The following SH2D1B variants were observed in gnomAD, a reference collection of about 807,000 sequenced individuals.
SH2D1B encodes SH2 domain containing 1B.
A neutral mutation model predicts 16.3 loss-of-function variants in SH2D1B; 11 were observed. The ratio of observed to expected loss-of-function variants is 0.67; its 90% CI spans 0.42 to 1.11. The LOEUF (loss-of-function observed/expected upper bound fraction) is 1.11, where lower values mean the gene tolerates loss of function less well. Ranked by LOEUF, SH2D1B falls within the 50% of genes most tolerant of loss-of-function variation. SH2D1B has a pLI of 0.00. For synonymous variants in SH2D1B, 55 were observed against 56.1 expected (o/e 0.98, Z 0.09); for missense variants, 123 against 153.1 (o/e 0.80, Z 1.04).
chr1:162,406,522 T>C (rs1260980405), intron 1 of SH2D1B, among the ~76,000 whole-genome samples: 1 of 152,162 alleles, frequency 6.6e-6, no homozygotes, highest in East Asian at 1.9e-4. Context: ...GAGAGATGTA[T>C]GCCAAAATAT....
chr1:162,409,220 T>C (rs1261863079), intron 1 of SH2D1B, among the ~76,000 whole-genome samples: 1 of 152,106 alleles, frequency 6.6e-6, no homozygotes, highest in African/African-American at 2.4e-5. Flanking sequence ...TTCCCACTGC[T>C]TGCCCCAGCA....
At chr1:162,402,681 C>T (rs374926594) in intron 2 of SH2D1B, 58 bp downstream of exon 2, 3 of 1,429,590 alleles carry the variant, frequency 2.1e-6, no homozygotes. Context: ...AGACATGTTC[C>T]CAGGTTCTTC....
chr1:162,396,970 A>T lies in SH2D1B; in HGVS notation c.*310T>A. 2.9e-6 allele frequency: 1 copy of T among 343,552 alleles called. No homozygotes were observed. The highest frequency in any genetic ancestry group is 5.6e-6 in the Non-Finnish European group (1 of 180,180). The allele number at this position is 343,552 out of a possible 1,614,324, so 21.3% of individuals were successfully genotyped here. ...CTGCCCCTCTGACTGCATGGTCCAA[A>T]GGAGGGTGTCAACCATGATGTAGGG... is the stretch of plus-strand genomic sequence containing the variant. On this transcript the variant is annotated 3_prime_UTR_variant, in exon 4 of 4. Coordinates refer to ENST00000367929, the MANE Select transcript of SH2D1B (RefSeq NM_053282.5).
At chr1:162,402,536 C>A (rs1225193264) in intron 2 of SH2D1B, 2 of 469,922 alleles carry the variant, frequency 4.3e-6, no homozygotes, top group Middle Eastern at 2.9e-4. Context: ...AAAACAACAA[C>A]AAAAAAAGTA....
intron 1 of SH2D1B, among the ~76,000 whole-genome samples, chr1:162,405,701 A>G (rs936131561): frequency 1.3e-5 from 2 of 152,236 alleles, no homozygotes; most frequent in Non-Finnish European, 2.9e-5. Context: ...TTTATGAGAA[A>G]TACACTGGAC....
At position 162,403,503 on chromosome 1, in the gene SH2D1B, AAAAAAAAAATAT is replaced by A. The variant is rs1443296501; in HGVS notation, c.135-713_135-702del. Among the ~76,000 whole-genome samples, 174 of 40,682 alleles carry A rather than the reference AAAAAAAAAATAT, an allele frequency of 4.3e-3. 1 individual carries two copies. Among genetic ancestry groups the A allele is most frequent in the African/African-American group, 9.4e-3 (161 of 17,124 alleles). 26.7% of individuals were successfully genotyped at this position (40,682 alleles called of 152,430 possible). ...GACTCTGTCTGAAAAAAAAAAAAAA[AAAAAAAAAATAT>A]ATATATATATATATATATATATATA... On this transcript the variant is annotated intron_variant, in intron 1 of 3. Transcript: ENST00000367929.
rs1033927487 is a variant in SH2D1B, at chr1:162,403,696, A to C, written c.135-894T>G. 5.5e-5 allele frequency among the ~76,000 whole-genome samples: 5 copies of C among 90,896 alleles called. No homozygotes were observed. In the East Asian group the frequency reaches 1.5e-3, roughly 28 times the overall value. 59.6% of individuals were successfully genotyped at this position (90,896 alleles called of 152,430 possible). On this transcript the variant is annotated intron_variant, in intron 1 of 3. Coordinates refer to ENST00000367929, the MANE Select transcript of SH2D1B (RefSeq NM_053282.5). The stretch of plus-strand genomic sequence containing the variant: ...TAACTTGATTAATAGATGAATGAAG[A>C]AAGTTACACACACACACACACACAC...
At chr1:162,409,188 T>C in intron 1 of SH2D1B, among the ~76,000 whole-genome samples, 1 of 151,784 alleles carries the variant, frequency 6.6e-6, no homozygotes, top group East Asian at 1.9e-4. Flanking sequence ...AGGTCTGTCC[T>C]TGCACCTTCT....
At chr1:162,405,215 C>T (rs1259374137) in intron 1 of SH2D1B, among the ~76,000 whole-genome samples, 1 of 152,154 alleles carries the variant, frequency 6.6e-6, no homozygotes, top group Non-Finnish European at 1.5e-5. Flanking sequence ...TGGAAAAATA[C>T]ACATTAATCT....
chr1:162,404,342 A>C (rs1648601391), intron 1 of SH2D1B, among the ~76,000 whole-genome samples: 1 of 152,196 alleles, frequency 6.6e-6, no homozygotes, highest in Non-Finnish European at 1.5e-5. Flanking sequence ...TCTCAAAAAA[A>C]ATAAAATAAA....
chr1:162,404,764 T>A (rs1046089475), intron 1 of SH2D1B, among the ~76,000 whole-genome samples: 1 of 152,254 alleles, frequency 6.6e-6, no homozygotes, highest in African/African-American at 2.4e-5. Context: ...TACACACTTA[T>A]TAATACAGTT....
At chr1:162,406,794 T>C (rs1319977988) in intron 1 of SH2D1B, among the ~76,000 whole-genome samples, 3 of 152,206 alleles carry the variant, frequency 2.0e-5, no homozygotes, top group Non-Finnish European at 4.4e-5. Context: ...GGCTCAGGTC[T>C]TCCTCACCTG....
At chr1:162,409,867 G>A (rs539952588) in intron 1 of SH2D1B, among the ~76,000 whole-genome samples, 3 of 152,196 alleles carry the variant, frequency 2.0e-5, no homozygotes, top group South Asian at 4.2e-4. Flanking sequence ...GAGCCACCGC[G>A]CCTGGCCAAT....
chr1:162,411,555 T>A (rs1648796424), intron 1 of SH2D1B, among the ~76,000 whole-genome samples: 1 of 152,216 alleles, frequency 6.6e-6, no homozygotes, highest in Non-Finnish European at 1.5e-5. Context: ...AATAAACAGA[T>A]CTCTGGAGGA....
intron 1 of SH2D1B, among the ~76,000 whole-genome samples, chr1:162,410,801 C>T (rs568042729): frequency 1.1e-4 from 17 of 151,926 alleles, no homozygotes; most frequent in Middle Eastern, 3.4e-3. Context: ...GGATTACAAG[C>T]ATACGCCACC....
chr1:162,406,009 G>T (rs73031072), intron 1 of SH2D1B, among the ~76,000 whole-genome samples: 1 of 151,918 alleles, frequency 6.6e-6, no homozygotes, highest in Non-Finnish European at 1.5e-5. Flanking sequence ...AAATGGAATC[G>T]ACTGCACCCT....
At chr1:162,402,287 C>T (rs554937834) in intron 2 of SH2D1B, among the ~76,000 whole-genome samples, 7 of 152,030 alleles carry the variant, frequency 4.6e-5, no homozygotes, top group African/African-American at 7.2e-5. Flanking sequence ...CTGAGGCCGG[C>T]GGATCACAAG....
At chr1:162,406,770 A>G (rs1373254484) in intron 1 of SH2D1B, among the ~76,000 whole-genome samples, 3 of 152,240 alleles carry the variant, frequency 2.0e-5, no homozygotes, top group Non-Finnish European at 4.4e-5. Flanking sequence ...TAATGAGAGC[A>G]TGCAGTAGGT....
At chr1:162,402,623 T>C in intron 2 of SH2D1B, 116 bp downstream of exon 2, 1 of 820,678 alleles carries the variant, frequency 1.2e-6, no homozygotes, top group Non-Finnish European at 2.0e-6. Flanking sequence ...ATCTCTGCAT[T>C]GTGCTTTCCT....
Sources: gnomAD v4.1 joint callset for allele counts (sites outside exome capture counted in the v4.1 genomes callset) on GRCh38, gnomAD v4.1.1 for gene constraint, MANE v1.5 for transcripts, NCBI Gene and HGNC (gene_info 2026-07-23, HGNC 2026-07-21) for gene names.